Variants in PTPRE observed in about 807,000 individuals in gnomAD.
PTPRE encodes the protein protein tyrosine phosphatase receptor type E.
In PTPRE, 51 loss-of-function variants were observed where a neutral mutation model predicts 102.0. The observed-to-expected ratio is 0.50, with a 90% CI of 0.40 to 0.63. The LOEUF (loss-of-function observed/expected upper bound fraction) is 0.63, where lower values mean the gene tolerates loss of function less well. Among genes scored for constraint, PTPRE ranks in the 30% least tolerant of loss-of-function variants. The probability of loss-of-function intolerance (pLI) is 0.00; values close to 1 mark genes in which losing one functional copy is unlikely to be tolerated. For synonymous variants in PTPRE, 345 were observed against 348.2 expected, an observed-to-expected ratio of 0.99 and a Z score of 0.10; for missense variants, 752 against 915.1, an observed-to-expected ratio of 0.82 and a Z score of 2.30.
Position 128,049,592 on chromosome 10 carries a change from C to T in PTPRE, c.346C>T (p.Pro116Ser), listed in dbSNP as rs750082174. The T allele has an allele frequency of 6.2e-7, 1 of 1,613,874 alleles. No homozygotes were observed. Among genetic ancestry groups the T allele is most frequent in the Non-Finnish European group, 8.5e-7 (1 of 1,180,028 alleles). ...PSGPKKYFPI[P>S]VEHLEEEIRI... ...AGGGCCCAAGAAGTATTTTCCCATCCCCGTGGAGCACCTGGAGGAGGAGAT... is the reference window on the plus strand; with the variant it reads ...AGGGCCCAAGAAGTATTTTCCCATCTCCGTGGAGCACCTGGAGGAGGAGAT... Residue 116 changes from proline to serine, a missense_variant, in exon 6 of 21, where the codon CCC (proline) becomes TCC (serine). By Grantham distance (74) the Pro-to-Ser change is moderately conservative. Coordinates refer to ENST00000254667, the MANE Select transcript of PTPRE (RefSeq NM_006504.6).
intron 2 of PTPRE, among the ~76,000 whole-genome samples, chr10:127,986,476 T>C (rs563195251): frequency 3.9e-5 from 6 of 152,358 alleles, no homozygotes; most frequent in African/African-American, 1.4e-4. Context: ...AACTTGACTA[T>C]TTCACTTTGG....
intron 1 of PTPRE, among the ~76,000 whole-genome samples, chr10:127,932,657 C>T (rs1359979905): frequency 6.6e-6 from 1 of 152,218 alleles, no homozygotes; most frequent in African/African-American, 2.4e-5. Context: ...CACCCTCCCA[C>T]TCAACACTCC....
intron 2 of PTPRE, among the ~76,000 whole-genome samples, chr10:127,982,612 G>A (rs541972490): frequency 2.6e-5 from 4 of 151,128 alleles, no homozygotes; most frequent in South Asian, 2.1e-4. Flanking sequence ...CTGACGTGTC[G>A]TTGCTTTTAA....
At chr10:127,984,184 C>T (rs1390606256) in intron 2 of PTPRE, among the ~76,000 whole-genome samples, 3 of 150,708 alleles carry the variant, frequency 2.0e-5, no homozygotes, top group Non-Finnish European at 2.9e-5. Context: ...CGGGTTCAAG[C>T]GATTCTCCTG....
intron 1 of PTPRE, among the ~76,000 whole-genome samples, chr10:127,949,345 G>T (rs1362864974): frequency 2.6e-5 from 4 of 152,066 alleles, no homozygotes; most frequent in African/African-American, 9.7e-5. Context: ...ACAGATTTTG[G>T]TACCAGGAGT....
intron 7 of PTPRE, among the ~76,000 whole-genome samples, chr10:128,058,203 C>A (rs1359473789): frequency 1.3e-5 from 2 of 152,236 alleles, no homozygotes; most frequent in African/African-American, 4.8e-5. Flanking sequence ...GTCCCCTTCT[C>A]AAAGTGTGAT....
At chr10:128,058,414 T>C (rs541688983) in intron 7 of PTPRE, among the ~76,000 whole-genome samples, 11 of 152,338 alleles carry the variant, frequency 7.2e-5, no homozygotes, top group Admixed American at 2.0e-4. Flanking sequence ...TAGATTCCCC[T>C]GTAAGATCTT....
At chr10:128,067,480 G>A (rs1301241465) in intron 11 of PTPRE, among the ~76,000 whole-genome samples, 4 of 147,480 alleles carry the variant, frequency 2.7e-5, no homozygotes, top group South Asian at 2.2e-4. Context: ...ACATTCACAC[G>A]TGCGCACATA....
At chr10:127,916,016 G>A (rs1040078110) in intron 1 of PTPRE, among the ~76,000 whole-genome samples, 5 of 149,832 alleles carry the variant, frequency 3.3e-5, no homozygotes, top group South Asian at 2.1e-4. Context: ...AAAAAGGCAC[G>A]ATGGCTTGTG....
chr10:128,024,020 A>G lies in PTPRE; in HGVS notation c.-7-16855A>G, dbSNP rs78053533. Among the ~76,000 whole-genome samples, 517 of 152,346 alleles carry G rather than the reference A, an allele frequency of 3.4e-3. 2 individuals are homozygous for G. Among genetic ancestry groups the G allele is most frequent in the Non-Finnish European group, 5.9e-3 (401 of 68,022 alleles). Reference sequence around the variant, plus strand: ...ATTTGAAATGACAATCAGCTACTACAAGGATGGGAAAAATTAATTATTGGT... The same window carrying G: ...ATTTGAAATGACAATCAGCTACTACGAGGATGGGAAAAATTAATTATTGGT... On this transcript the variant is annotated intron_variant, in intron 2 of 20. Coordinates refer to ENST00000254667, the MANE Select transcript of PTPRE (RefSeq NM_006504.6).
At chr10:127,969,090 G>A (rs1487926552) in intron 1 of PTPRE, among the ~76,000 whole-genome samples, 1 of 152,204 alleles carries the variant, frequency 6.6e-6, no homozygotes, top group Non-Finnish European at 1.5e-5. Flanking sequence ...TATTTCCATA[G>A]CATGTATCAA....
intron 6 of PTPRE, among the ~76,000 whole-genome samples, chr10:128,052,703 C>T (rs1848648787): frequency 6.6e-6 from 1 of 152,206 alleles, no homozygotes; most frequent in Admixed American, 6.5e-5. Flanking sequence ...TCCCTACCTC[C>T]ATCCTAGCAA....
intron 5 of PTPRE, 68 bp downstream of exon 5, chr10:128,047,905 C>G: frequency 6.8e-7 from 1 of 1,460,344 alleles, no homozygotes; most frequent in Non-Finnish European, 9.2e-7. Context: ...CACTGAGGTG[C>G]TTTCTGCCTT....
chr10:127,999,903 C>T lies in PTPRE; in HGVS notation c.-8+17607C>T, dbSNP rs1006701444. The T allele has an allele frequency of 1.0e-5, 10 of 985,434 alleles. No individual in the cohort carries two copies. In the African/African-American group the frequency reaches 1.2e-4, roughly 12 times the overall value. The allele number at this position is 985,434 out of a possible 1,614,324, so 61.0% of individuals were successfully genotyped here. A position where few individuals can be genotyped will look rare whatever the true frequency, so the allele number is the denominator to read the frequency against. On this transcript the variant is annotated intron_variant, in intron 2 of 20. Coordinates refer to ENST00000254667, the MANE Select transcript of PTPRE (RefSeq NM_006504.6). ...ATTATCAGCCCAGGAGACTCCAGTG[C>T]TGTGGACATGGGTCTGAACGAATTG...
intron 11 of PTPRE, 89 bp downstream of exon 11, chr10:128,066,283 G>A: frequency 6.4e-7 from 1 of 1,557,636 alleles, no homozygotes; most frequent in East Asian, 2.3e-5. Context: ...TTTATGAAGT[G>A]CTTTGCTCCC....
Position 128,040,915 on chromosome 10 carries a change from T to C in PTPRE, c.34T>C (p.Phe12Leu). The C allele has an allele frequency of 6.2e-7, 1 of 1,613,994 alleles. No homozygotes were observed. Among genetic ancestry groups the C allele is most frequent in the Non-Finnish European group, 8.5e-7 (1 of 1,179,974 alleles). ...CTTGTGTCCACTCCTGCTGGTGGGT[T>C]TTAGCTTGCCGCTCGCCAGGGCTCT... Reference protein sequence around the residue: ...EPLCPLLLVGFSLPLARALRG... With the variant: ...EPLCPLLLVGLSLPLARALRG... Residue 12 changes from phenylalanine to leucine, a missense_variant, in exon 3 of 21, where the codon TTT (phenylalanine) becomes CTT (leucine). Coordinates refer to ENST00000254667, the MANE Select transcript of PTPRE (RefSeq NM_006504.6).
chr10:127,934,443 G>C (rs981431748), intron 1 of PTPRE: 7 of 152,182 alleles, frequency 4.6e-5, no homozygotes, highest in African/African-American at 1.7e-4. Context: ...AAATTGAGCT[G>C]GGCTACCTCT....
At chr10:127,990,812 C>CA (rs2135505243) in intron 2 of PTPRE, among the ~76,000 whole-genome samples, 1 of 152,284 alleles carries the variant, frequency 6.6e-6, no homozygotes, top group Non-Finnish European at 1.5e-5. Context: ...GAAGCAAGAA[C>CA]ATTTTTTTAA....
chr10:128,020,612 G>C (rs1043499284), intron 2 of PTPRE, among the ~76,000 whole-genome samples: 4 of 152,164 alleles, frequency 2.6e-5, no homozygotes, highest in African/African-American at 9.7e-5. Context: ...TTAAGGAAAT[G>C]GCCGGTAGCT....
Sources: gnomAD v4.1 joint callset for allele counts (sites outside exome capture counted in the v4.1 genomes callset) on GRCh38, gnomAD v4.1.1 for gene constraint, MANE v1.5 for transcripts, NCBI Gene and HGNC (gene_info 2026-07-23, HGNC 2026-07-21) for gene names.